The following NPR1 variants were observed in gnomAD, a reference collection of about 807,000 sequenced individuals.
The protein encoded by NPR1 is atrial natriuretic peptide receptor 1.
In NPR1, 57 loss-of-function variants were observed where a neutral mutation model predicts 116.9. The ratio of observed to expected loss-of-function variants is 0.49; its 90% CI spans 0.39 to 0.61. The LOEUF (loss-of-function observed/expected upper bound fraction) is 0.61. Among genes scored for constraint, NPR1 ranks in the 20% least tolerant of loss-of-function variants. The pLI, the probability that NPR1 is intolerant of heterozygous loss-of-function variation, is 0.00. For synonymous variants in NPR1, 555 were observed against 601.6 expected (o/e 0.92, Z 1.13); for missense variants, 1,096 against 1,409.8 (o/e 0.78, Z 3.56).
In NPR1 at chr1:153,688,943, C is replaced by G. The variant is rs773478748; in HGVS notation, c.2418-10C>G. 6.8e-6 allele frequency: 11 copies of G among 1,613,860 alleles called. No individual in the cohort carries two copies. Among genetic ancestry groups the G allele is most frequent in the Non-Finnish European group, 9.3e-6 (11 of 1,179,934 alleles). On this transcript the variant is annotated splice_polypyrimidine_tract_variant and intron_variant, in intron 15 of 21. Coordinates refer to ENST00000368680, the MANE Select transcript of NPR1 (RefSeq NM_000906.4). The stretch of plus-strand genomic sequence containing the variant: ...CTCTTACCACCCCCACCGCCACCCT[C>G]TGCCCCCAGGGAGAACAGCAGCAAC...
intron 2 of NPR1, 192 bp from the exon 3 acceptor site, chr1:153,680,988 A>T: frequency 1.7e-6 from 1 of 600,594 alleles, no homozygotes. Flanking sequence ...CCTGGACAGG[A>T]CTTGGAGAAG....
Position 153,679,579 on chromosome 1 carries a change from C to T in NPR1, c.471C>T (p.Arg157=). The stretch of plus-strand genomic sequence containing the variant: ...AGGACGAGTATGCGCTGACCACCCG[C>T]GCGGGGCCCAGCTACGCCAAGCTGG... ...GVKDEYALTT[R]AGPSYAKLGD... is the part of the protein sequence containing the mutation. Residue 157 remains arginine (R), a synonymous_variant, in exon 1 of 22, where the codon CGC becomes CGT. Transcript: ENST00000368680. The surrounding 1 kb of genome is among the most constrained non-coding windows in gnomAD (Gnocchi z 4.2). 6.4e-7 allele frequency: 1 copy of T among 1,566,222 alleles called. No individual in the cohort carries two copies. The highest frequency in any genetic ancestry group is 1.2e-5 in the South Asian group (1 of 86,476).
In NPR1 at chr1:153,679,717, G is replaced by A; in HGVS notation, c.609G>A (p.Leu203=). 2 of 1,607,528 alleles carry A rather than the reference G, an allele frequency of 1.2e-6. No individual in the cohort carries two copies. Among genetic ancestry groups the A allele is most frequent in the South Asian group, 1.1e-5 (1 of 90,458 alleles). ...ACTGCTTCTTCCTCGTGGAGGGGCT[G>A]TTCATGCGGGTCCGCGACCGCCTCA... ...EEHCFFLVEG[L]FMRVRDRLNI... is the part of the protein sequence containing the mutation. The change falls in exon 1 of 22, where the codon CTG becomes CTA. Residue 203 remains leucine, a synonymous_variant. Coordinates refer to ENST00000368680, the MANE Select transcript of NPR1 (RefSeq NM_000906.4). The surrounding 1 kb of genome is among the most constrained non-coding windows in gnomAD (Gnocchi z 4.2).
At position 153,678,771 on chromosome 1, in the gene NPR1, A is replaced by T. The variant is rs1669669072; in HGVS notation, c.-338A>T. Reference sequence around the variant, plus strand: ...CGCGCGCCCTCTCTCATCCTTCTTCACGAAGCGCTCACTCGCACCCTTTCT... The same window carrying T: ...CGCGCGCCCTCTCTCATCCTTCTTCTCGAAGCGCTCACTCGCACCCTTTCT... On this transcript the variant is annotated 5_prime_UTR_variant, in exon 1 of 22. Coordinates refer to ENST00000368680, the MANE Select transcript of NPR1 (RefSeq NM_000906.4). The surrounding 1 kb of genome is among the most constrained non-coding windows in gnomAD (Gnocchi z 5.8). 3.0e-6 allele frequency: 1 copy of T among 335,128 alleles called. No homozygotes were observed. The highest frequency in any genetic ancestry group is 2.2e-5 in the African/African-American group (1 of 46,146). The allele number at this position is 335,128 out of a possible 1,614,324, so 20.8% of individuals were successfully genotyped here. A position where few individuals can be genotyped will look rare whatever the true frequency, so the allele number is the denominator to read the frequency against.
chr1:153,681,529 G>T (rs769625500), intron 3 of NPR1, 175 bp from the exon 4 acceptor site: 1 of 693,444 alleles, frequency 1.4e-6, no homozygotes, highest in East Asian at 2.7e-5. Flanking sequence ...TAGGATTCAG[G>T]AAGTGATGCT....
In NPR1 at chr1:153,687,706, T is replaced by G; in HGVS notation, c.2165T>G (p.Val722Gly). 1 of 1,608,858 alleles carries G rather than the reference T, an allele frequency of 6.2e-7. No individual in the cohort carries two copies. The highest frequency in any genetic ancestry group is 8.5e-7 in the Non-Finnish European group (1 of 1,175,746). The change falls in exon 14 of 22, where the codon GTA becomes GGA. Residue 722 changes from valine (V) to glycine (G), a missense_variant. Coordinates refer to ENST00000368680, the MANE Select transcript of NPR1 (RefSeq NM_000906.4). ...GTGCGGGGCTCCCAGGCTGGTGACG[T>G]ATACAGCTTTGGGATCATCCTTCAG... ...PPVRGSQAGD[V>G]YSFGIILQEI...
chr1:153,681,438 AG>A (rs1355513372), intron 3 of NPR1, 145 bp downstream of exon 3: 1 of 650,256 alleles, frequency 1.5e-6, no homozygotes, highest in African/African-American at 1.8e-5. Context: ...ATGATGGAGG[AG>A]GACACTGGCA....
chr1:153,679,059 C>A lies in NPR1; in HGVS notation c.-50C>A. The A allele has an allele frequency of 7.2e-7, 1 of 1,387,942 alleles. No homozygotes were observed. The highest frequency in any genetic ancestry group is 9.3e-7 in the Non-Finnish European group (1 of 1,080,696). 86.0% of individuals were successfully genotyped at this position (1,387,942 alleles called of 1,614,324 possible). ...GACCGGCCGCTGAGCCCAAGGGGAC[C>A]GAGGAGGCCATGGTAGGAGCGCTCG... On this transcript the variant is annotated 5_prime_UTR_variant, in exon 1 of 22. Coordinates refer to ENST00000368680, the MANE Select transcript of NPR1 (RefSeq NM_000906.4). The surrounding 1 kb of genome is among the most constrained non-coding windows in gnomAD (Gnocchi z 4.2).
At chr1:153,686,789 G>T (rs769695728) in intron 11 of NPR1, 39 bp downstream of exon 11, 2 of 1,574,122 alleles carry the variant, frequency 1.3e-6, no homozygotes, top group South Asian at 2.2e-5. Context: ...CTGGGTTCTA[G>T]CCCTGGCTCT....
rs1669953115 is a variant in NPR1 at position 153,687,117 on chromosome 1, A to G, written c.1935+30A>G. Reference sequence around the variant, plus strand: ...GCCCCTAAGCACCTATTGGATGTGTAGAGCAGGGGCCAGGCATGCTTCTCC... The same window carrying G: ...GCCCCTAAGCACCTATTGGATGTGTGGAGCAGGGGCCAGGCATGCTTCTCC... On this transcript the variant is annotated intron_variant, in intron 12 of 21. Coordinates refer to ENST00000368680, the MANE Select transcript of NPR1 (RefSeq NM_000906.4). 3 of 1,613,966 alleles carry G rather than the reference A, an allele frequency of 1.9e-6. No homozygotes were observed. The African/African-American group carries it at 4.0e-5, about 22-fold the overall frequency.
chr1:153,690,319 C>A lies in NPR1; in HGVS notation c.2968C>A (p.Pro990Thr). The A allele has an allele frequency of 1.3e-6, 2 of 1,560,590 alleles. No homozygotes were observed. The highest frequency in any genetic ancestry group is 1.9e-5 in the Admixed American group (1 of 52,036). The change falls in exon 20 of 22, where the codon CCC becomes ACC. Residue 990 changes from proline (P) to threonine (T), a missense_variant. Physicochemically the swap from Pro to Thr is conservative, Grantham distance 38 (BLOSUM62 -1). Coordinates refer to ENST00000368680, the MANE Select transcript of NPR1 (RefSeq NM_000906.4). ...VCAGVVGLKM[P>T]RYCLFGDTVN... ...TGCTGGAGTGGTGGGACTGAAGATG[C>A]CCCGTTACTGTCTCTTTGGGGATAC...
At position 153,683,408 on chromosome 1, in the gene NPR1, G is replaced by A. The variant is rs143232346; in HGVS notation, c.1296G>A (p.Glu432=). 4 of 1,614,060 alleles carry A rather than the reference G, an allele frequency of 2.5e-6. No homozygotes were observed. The highest frequency in any genetic ancestry group is 1.3e-5 in the African/African-American group (1 of 74,926). Residue 432 remains glutamate (E), a synonymous_variant, in exon 6 of 22, where the codon GAG becomes GAA. Transcript: ENST00000368680. ...TGAACTACAATGGGACTTCCCAAGA[G>A]CTGGTGGCTGTGTCGGGGCGCAAAC... ...VVLNYNGTSQ[E]LVAVSGRKLN...
chr1:153,688,763 G>A (rs1670003780), intron 15 of NPR1, 190 bp from the exon 16 acceptor site: 1 of 635,814 alleles, frequency 1.6e-6, no homozygotes, highest in Non-Finnish European at 2.7e-6. Flanking sequence ...TTGACCTTGG[G>A]GTCTCAGAAA....
chr1:153,687,451 T>A lies in NPR1; in HGVS notation c.2092+95T>A, dbSNP rs1012974574. 3 of 1,518,036 alleles carry A rather than the reference T, an allele frequency of 2.0e-6. No homozygotes were observed. In the African/African-American group the frequency reaches 4.2e-5, roughly 21 times the overall value. 94.0% of individuals were successfully genotyped at this position (1,518,036 alleles called of 1,614,324 possible). ...CTGATGGGCTTGGGCATGCTTGTCC[T>A]GACTCCAGCCTCAATTCATTCACCC... On this transcript the variant is annotated intron_variant, in intron 13 of 21. Coordinates refer to ENST00000368680, the MANE Select transcript of NPR1 (RefSeq NM_000906.4).
chr1:153,682,709 A>T, intron 5 of NPR1, 120 bp downstream of exon 5: 1 of 747,046 alleles, frequency 1.3e-6, no homozygotes, highest in Non-Finnish European at 2.3e-6. Flanking sequence ...ATGCCTGGAC[A>T]CTTACAAGAG....
chr1:153,688,007 C>T (rs1466104033), intron 14 of NPR1, 46 bp from the exon 15 acceptor site: 3 of 1,412,992 alleles, frequency 2.1e-6, no homozygotes, highest in East Asian at 2.3e-5. Flanking sequence ...TCTCACTAGG[C>T]CCTTGGCCAG....
chr1:153,681,074 A>T, intron 2 of NPR1, 106 bp from the exon 3 acceptor site: 1 of 719,036 alleles, frequency 1.4e-6, no homozygotes, highest in Non-Finnish European at 2.5e-6. Flanking sequence ...ACCTTGAGCT[A>T]AGCAGAGACG....
chr1:153,683,214 C>T lies in NPR1; in HGVS notation c.1264-162C>T, dbSNP rs1370017375. 3.3e-5 allele frequency among the ~76,000 whole-genome samples: 5 copies of T among 151,948 alleles called. No individual in the cohort carries two copies. The South Asian group carries it at 8.3e-4, about 25-fold the overall frequency. ...GAGTACTATGTGTGTGGTATGAGGT[C>T]CTGTGTCCAGTTGCAGTGGGGACTT... is the stretch of plus-strand genomic sequence containing the variant. On this transcript the variant is annotated intron_variant, in intron 5 of 21. Coordinates refer to ENST00000368680, the MANE Select transcript of NPR1 (RefSeq NM_000906.4).
chr1:153,682,647 T>A lies in NPR1; in HGVS notation c.1263+58T>A, dbSNP rs28730727. The A allele has an allele frequency of 1.6e-3, 2,075 of 1,293,778 alleles. 22 individuals are homozygous for A. The African/African-American group carries it at 0.027, about 17-fold the overall frequency. 80.1% of individuals were successfully genotyped at this position (1,293,778 alleles called of 1,614,324 possible). ...TCCAAATGACATCTCACCCTCCTAC[T>A]TCCCCCCCACAGCCCTGCCAGGGCA... On this transcript the variant is annotated intron_variant, in intron 5 of 21. Coordinates refer to ENST00000368680, the MANE Select transcript of NPR1 (RefSeq NM_000906.4).
Sources: allele counts gnomAD v4.1 joint callset (sites outside exome capture counted in the v4.1 genomes callset), GRCh38; gene constraint gnomAD v4.1.1; non-coding constraint Gnocchi (gnomAD v3.1); transcripts MANE v1.5; gene names NCBI Gene and HGNC (gene_info 2026-07-23, HGNC 2026-07-21).